The following PTPRT variants were observed in gnomAD, a reference collection of about 807,000 sequenced individuals.
PTPRT encodes the protein receptor-type tyrosine-protein phosphatase T.
PTPRT carries 56 observed loss-of-function variants against 176.8 expected under a neutral mutation model. The ratio of observed to expected loss-of-function variants is 0.32; its 90% CI spans 0.26 to 0.40. The LOEUF is 0.40. Among genes scored for constraint, PTPRT ranks in the 10% least tolerant of loss-of-function variants. The probability of loss-of-function intolerance (pLI) is 1.00; values close to 1 mark genes in which losing one functional copy is unlikely to be tolerated. For synonymous variants in PTPRT, 783 were observed against 739.0 expected (o/e 1.06, Z -0.96); for missense variants, 1,540 against 1,908.2 (o/e 0.81, Z 3.60).
chr20:42,321,050 A>G (rs1388386363), intron 11 of PTPRT, among the ~76,000 whole-genome samples: 1 of 152,232 alleles, frequency 6.6e-6, no homozygotes, highest in Non-Finnish European at 1.5e-5. Flanking sequence ...GACAATGACC[A>G]TATGAGACTT....
chr20:42,656,142 T>C (rs2425505), intron 7 of PTPRT, among the ~76,000 whole-genome samples: 126,945 of 152,108 alleles, frequency 0.83, 53,181 homozygotes, highest in East Asian at 0.94. Context: ...AATCTCCCTA[T>C]TGACCCTGGT....
At chr20:42,949,369 T>C (rs1054075636) in intron 1 of PTPRT, among the ~76,000 whole-genome samples, 8 of 152,290 alleles carry the variant, frequency 5.3e-5, no homozygotes, top group East Asian at 1.9e-4. Context: ...GTGGCCATGA[T>C]GGAAGGAAGC....
At chr20:42,368,913 T>C (rs1015912859) in intron 9 of PTPRT, among the ~76,000 whole-genome samples, 1 of 152,176 alleles carries the variant, frequency 6.6e-6, no homozygotes, top group Non-Finnish European at 1.5e-5. Flanking sequence ...GTCTCAACCA[T>C]ACTGCCTTGG....
intron 13 of PTPRT, among the ~76,000 whole-genome samples, chr20:42,271,996 A>C (rs1057134952): frequency 2.0e-5 from 3 of 152,242 alleles, no homozygotes; most frequent in African/African-American, 7.2e-5. Context: ...CTCCCTTAAA[A>C]ATATGAAAAG....
intron 9 of PTPRT, among the ~76,000 whole-genome samples, chr20:42,446,623 A>T (rs1569484): frequency 0.051 from 6,533 of 129,142 alleles, 289 homozygotes; most frequent in African/African-American, 0.16. Context: ...TGTGTGTGTG[A>T]GAGAGAGAGA....
chr20:43,081,545 T>C lies in PTPRT; in HGVS notation c.88+108101A>G, dbSNP rs766171872. On this transcript the variant is annotated intron_variant, in intron 1 of 30. Coordinates refer to ENST00000373187, the MANE Select transcript of PTPRT (RefSeq NM_007050.6). ...AGTCTCTCTAGAGGCAAATCCATCT[T>C]CCTAATTTTTTCAAAGAACATTTGG... Among the ~76,000 whole-genome samples the C allele has an allele frequency of 7.2e-5, 11 of 152,210 alleles. 1 individual carries two copies. Among genetic ancestry groups the C allele is most frequent in the Admixed American group, 6.6e-4 (10 of 15,266 alleles).
At chr20:42,982,712 T>C (rs1983350360) in intron 1 of PTPRT, among the ~76,000 whole-genome samples, 1 of 152,124 alleles carries the variant, frequency 6.6e-6, no homozygotes, top group South Asian at 2.1e-4. Context: ...AAGGACCTGG[T>C]TGCCTCCCAG....
In PTPRT at chr20:42,085,831, TCAGGC is replaced by T; in HGVS notation, c.3864_3868del (p.Trp1288Ter). The T allele has an allele frequency of 6.2e-7, 1 of 1,613,424 alleles. No individual in the cohort carries two copies. Among genetic ancestry groups the T allele is most frequent in the Non-Finnish European group, 8.5e-7 (1 of 1,179,310 alleles). On this transcript the variant is annotated stop_gained and frameshift_variant, in exon 28 of 31. Coordinates refer to ENST00000373187, the MANE Select transcript of PTPRT (RefSeq NM_007050.6). LOFTEE classifies it high-confidence loss of function. Reference sequence around the variant, plus strand: ...GGGCCCATAGCACCCGGAGGTCTTCTCAGGCCAGTACTGCATACAGAACTGAGATA... The same window carrying T: ...GGGCCCATAGCACCCGGAGGTCTTCTCAGTACTGCATACAGAACTGAGATA...
intron 2 of PTPRT, among the ~76,000 whole-genome samples, chr20:42,827,633 T>C (rs905325479): frequency 9.9e-5 from 15 of 152,174 alleles, no homozygotes; most frequent in African/African-American, 3.6e-4. Context: ...TCATTGTGAA[T>C]TGTAGTTCTC....
intron 9 of PTPRT, among the ~76,000 whole-genome samples, chr20:42,406,799 T>G (rs1233800387): frequency 6.6e-6 from 1 of 152,220 alleles, no homozygotes; most frequent in Non-Finnish European, 1.5e-5. Flanking sequence ...CAAGGATTAT[T>G]CTAAGCATGG....
At chr20:42,459,056 GT>G (rs953939367) in intron 8 of PTPRT, among the ~76,000 whole-genome samples, 19 of 152,132 alleles carry the variant, frequency 1.2e-4, no homozygotes, top group African/African-American at 4.6e-4. Context: ...GAGACTTCCA[GT>G]TTTTAATAGA....
Position 42,940,490 on chromosome 20 carries a change from G to A in PTPRT, c.89-54558C>T, listed in dbSNP as rs568547874. On this transcript the variant is annotated intron_variant, in intron 1 of 30. Coordinates refer to ENST00000373187, the MANE Select transcript of PTPRT (RefSeq NM_007050.6). ...TGAAAGGGTAAAATGAATCCAAAAA[G>A]ACAGGATAGATATGAAAATCAGAGA... Among the ~76,000 whole-genome samples the A allele has an allele frequency of 1.2e-4, 18 of 152,176 alleles. 1 individual carries two copies. The highest frequency in any genetic ancestry group is 1.9e-4 in the Non-Finnish European group (13 of 68,036).
intron 1 of PTPRT, among the ~76,000 whole-genome samples, chr20:43,086,516 G>A (rs1476462368): frequency 6.6e-6 from 1 of 152,174 alleles, no homozygotes; most frequent in East Asian, 1.9e-4. Context: ...TTAACTAGAG[G>A]GGACTGGGTA....
intron 15 of PTPRT, among the ~76,000 whole-genome samples, chr20:42,227,600 G>GTTTT (rs10854224): frequency 9.7e-5 from 6 of 61,876 alleles, no homozygotes; most frequent in African/African-American, 2.0e-4. Flanking sequence ...GTCCCTCATT[G>GTTTT]TTTTTTTTTT....
intron 12 of PTPRT, among the ~76,000 whole-genome samples, chr20:42,306,859 C>A (rs2057550715): frequency 6.6e-6 from 1 of 152,206 alleles, no homozygotes; most frequent in African/African-American, 2.4e-5. Context: ...TAACTGAGAC[C>A]CCATGGGATT....
Position 42,248,706 on chromosome 20 carries a change from T to C in PTPRT, c.2293A>G (p.Met765Val), listed in dbSNP as rs2056497965. 4.3e-6 allele frequency: 7 copies of C among 1,613,900 alleles called. No individual in the cohort carries two copies. The highest frequency in any genetic ancestry group is 1.1e-5 in the South Asian group (1 of 91,038). ...LMFIIILLGV[M>V]LTIKRRRNAY... ...ACTCACCTCCTTTTGATGGTGAGCA[T>C]CACGCCCAGGAGAATGATGATGAAC... is the stretch of plus-strand genomic sequence containing the variant. The change falls in exon 14 of 31, where the codon ATG becomes GTG. Residue 765 changes from methionine to valine, a missense_variant. By Grantham distance (21) the Met-to-Val change is conservative (BLOSUM62 1). This residue lies in a region of PTPRT where 255 missense variants were observed against 250.1 expected (regional missense o/e 1.02). Transcript: ENST00000373187.
At chr20:42,152,083 T>C (rs1989158924) in intron 17 of PTPRT, among the ~76,000 whole-genome samples, 1 of 152,222 alleles carries the variant, frequency 6.6e-6, no homozygotes, top group Non-Finnish European at 1.5e-5. Flanking sequence ...ATTGCATCTA[T>C]GGGAGCACCA....
chr20:42,638,838 T>C (rs564119880), intron 7 of PTPRT, among the ~76,000 whole-genome samples: 33 of 152,302 alleles, frequency 2.2e-4, no homozygotes, highest in African/African-American at 7.9e-4. Flanking sequence ...TCTCTGTTTA[T>C]AAACTGTTTT....
intron 1 of PTPRT, among the ~76,000 whole-genome samples, chr20:42,904,453 T>C (rs1054156337): frequency 6.6e-6 from 1 of 152,178 alleles, no homozygotes; most frequent in Non-Finnish European, 1.5e-5. Flanking sequence ...GCTGAGTCAC[T>C]TTCTGTTTAA....
Sources: allele counts gnomAD v4.1 joint callset (sites outside exome capture counted in the v4.1 genomes callset), GRCh38; gene constraint gnomAD v4.1.1; regional missense constraint gnomAD v4.1.1; transcripts MANE v1.5; gene names NCBI Gene and HGNC (gene_info 2026-07-23, HGNC 2026-07-21).